Variants in RAI14 observed in about 807,000 individuals in gnomAD.
RAI14 encodes the protein retinoic acid induced 14, also known as ankycorbin.
Under a neutral mutation model 115.4 loss-of-function variants are expected in RAI14, and 45 were observed. The observed-to-expected ratio is 0.39, with a 90% CI of 0.31 to 0.50. The LOEUF (loss-of-function observed/expected upper bound fraction) is 0.50. RAI14 is among the 20% of genes least tolerant of loss of function. RAI14 has a pLI of 0.85. For missense variants in RAI14, 939 were observed against 1,131.2 expected (o/e 0.83, Z 2.44); for synonymous variants, 371 against 415.4 (o/e 0.89, Z 1.30).
intron 3 of RAI14, among the ~76,000 whole-genome samples, chr5:34,770,050 T>C (rs1749948400): frequency 6.6e-6 from 1 of 152,152 alleles, no homozygotes; most frequent in South Asian, 2.1e-4. Context: ...TTCTTTCTAC[T>C]GTGCCAGTGG....
At chr5:34,738,513 C>CT (rs1414947883) in intron 2 of RAI14, among the ~76,000 whole-genome samples, 5 of 152,200 alleles carry the variant, frequency 3.3e-5, no homozygotes, top group Admixed American at 2.6e-4. Context: ...CACCTGTACT[C>CT]TTGGCCTCCC....
intron 1 of RAI14, among the ~76,000 whole-genome samples, chr5:34,680,410 T>C (rs1744301770): frequency 6.6e-6 from 1 of 152,204 alleles, no homozygotes; most frequent in Non-Finnish European, 1.5e-5. Context: ...AGCTCACTTT[T>C]ATAATAACGG....
intron 3 of RAI14, among the ~76,000 whole-genome samples, chr5:34,764,538 TC>T (rs371844712): frequency 0.56 from 68,552 of 121,976 alleles, 19,031 homozygotes; most frequent in African/African-American, 0.81. Context: ...AGGTGAATTT[TC>T]TCTCTCTCTC....
rs536135017 is a variant in RAI14 at position 34,715,533 on chromosome 5, G to T, written c.36+28578G>T. On this transcript the variant is annotated intron_variant, in intron 2 of 17. Transcript: ENST00000265109. Reference sequence around the variant, plus strand: ...AACCACTCTGTATTATTCCTGTCTCGCTTTGACTTGGTGTTCCCTGCCCCA... The same window carrying T: ...AACCACTCTGTATTATTCCTGTCTCTCTTTGACTTGGTGTTCCCTGCCCCA... 3.3e-5 allele frequency among the ~76,000 whole-genome samples: 5 copies of T among 152,182 alleles called. No individual in the cohort carries two copies. In the South Asian group the frequency reaches 1.0e-3, roughly 32 times the overall value.
rs866069618 is a variant in RAI14 at position 34,739,693 on chromosome 5, T to C, written c.37-17775T>C. Among the ~76,000 whole-genome samples the C allele has an allele frequency of 2.6e-5, 4 of 152,142 alleles. No individual in the cohort carries two copies. The South Asian group carries it at 8.3e-4, about 32-fold the overall frequency. ...GTCTTTTCCTCAGGCAAGCATTCAT[T>C]CACTCAGTAAACATTTATTCATCAC... is the stretch of plus-strand genomic sequence containing the variant. On this transcript the variant is annotated intron_variant, in intron 2 of 17. Transcript: ENST00000265109.
rs1748142670 is a variant in RAI14, at chr5:34,758,164, A to G, written c.167+566A>G. 2.0e-5 allele frequency among the ~76,000 whole-genome samples: 3 copies of G among 152,222 alleles called. No individual in the cohort carries two copies. The South Asian group carries it at 6.2e-4, about 31-fold the overall frequency. ...TGGAGAGAGCACTGACTTTGGAGCC[A>G]GATAGACATCTCACAGGAACTCTAT... is the stretch of plus-strand genomic sequence containing the variant. On this transcript the variant is annotated intron_variant, in intron 3 of 17. Coordinates refer to ENST00000265109, the MANE Select transcript of RAI14 (RefSeq NM_015577.3).
Position 34,673,796 on chromosome 5 carries a change from G to T in RAI14, c.-48-13076G>T, listed in dbSNP as rs1743783929. ...CCCTCTCTCAAACCAGCTAGAACTG[G>T]GTCTTGGGCAGCTACCAGGCTCCTG... On this transcript the variant is annotated intron_variant, in intron 1 of 17. Coordinates refer to ENST00000265109, the MANE Select transcript of RAI14 (RefSeq NM_015577.3). Among the ~76,000 whole-genome samples, 3 of 152,144 alleles carry T rather than the reference G, an allele frequency of 2.0e-5. No homozygotes were observed. In the South Asian group the frequency reaches 6.2e-4, roughly 31 times the overall value.
At chr5:34,707,842 A>G (rs1206098151) in intron 2 of RAI14, among the ~76,000 whole-genome samples, 1 of 152,152 alleles carries the variant, frequency 6.6e-6, no homozygotes, top group Non-Finnish European at 1.5e-5. Context: ...ATTTTTTCAC[A>G]TTTCCTTAAG....
At chr5:34,724,655 A>G (rs2150005319) in intron 2 of RAI14, among the ~76,000 whole-genome samples, 1 of 152,228 alleles carries the variant, frequency 6.6e-6, no homozygotes, top group South Asian at 2.1e-4. Context: ...CAAATAGGAA[A>G]AAAGGATGCT....
chr5:34,785,876 C>A (rs1195708432), intron 3 of RAI14, among the ~76,000 whole-genome samples: 1 of 152,196 alleles, frequency 6.6e-6, no homozygotes, highest in Admixed American at 6.5e-5. Context: ...ATTTGAGTTG[C>A]CCCATTGTAA....
At chr5:34,751,154 ATT>A (rs34439436) in intron 2 of RAI14, among the ~76,000 whole-genome samples, 144 of 127,990 alleles carry the variant, frequency 1.1e-3, no homozygotes, top group Admixed American at 1.2e-3. Flanking sequence ...CCCGGCCATA[ATT>A]TTTTTTTTTT....
At chr5:34,822,047 A>T (rs1301411348) in intron 14 of RAI14, among the ~76,000 whole-genome samples, 197 bp downstream of exon 14, 2 of 150,962 alleles carry the variant, frequency 1.3e-5, no homozygotes, top group Non-Finnish European at 3.0e-5. Flanking sequence ...TCAACTGGTA[A>T]ATTATAAATA....
chr5:34,763,867 T>C (rs1300911037), intron 3 of RAI14, among the ~76,000 whole-genome samples: 1 of 152,126 alleles, frequency 6.6e-6, no homozygotes, highest in Non-Finnish European at 1.5e-5. Flanking sequence ...TTGTTTTGGT[T>C]TGGTTTTTTG....
intron 2 of RAI14, among the ~76,000 whole-genome samples, chr5:34,713,440 G>A (rs992866502): frequency 3.9e-5 from 6 of 152,012 alleles, no homozygotes; most frequent in African/African-American, 9.7e-5. Context: ...CTGAGTAGCC[G>A]GTCTTGAACT....
At chr5:34,713,459 C>T (rs1579994165) in intron 2 of RAI14, among the ~76,000 whole-genome samples, 2 of 151,986 alleles carry the variant, frequency 1.3e-5, no homozygotes, top group African/African-American at 4.8e-5. Context: ...CTTCTGGACT[C>T]AACAGTACTT....
chr5:34,796,464 C>G (rs562105340), intron 4 of RAI14, among the ~76,000 whole-genome samples: 11 of 152,092 alleles, frequency 7.2e-5, no homozygotes, highest in Admixed American at 2.0e-4. Context: ...AGAGAATCAC[C>G]TCCAATAGCA....
At chr5:34,799,528 AC>A (rs1753966566) in intron 4 of RAI14, among the ~76,000 whole-genome samples, 3 of 97,882 alleles carry the variant, frequency 3.1e-5, no homozygotes, top group African/African-American at 9.4e-5. Context: ...ACACACACAC[AC>A]ACACACACAC....
intron 1 of RAI14, among the ~76,000 whole-genome samples, chr5:34,662,323 T>A (rs1301272549): frequency 6.6e-6 from 1 of 152,226 alleles, no homozygotes; most frequent in East Asian, 1.9e-4. Flanking sequence ...CAGTCCTTAA[T>A]TCATGGCACA....
intron 1 of RAI14, chr5:34,686,318 T>C (rs528864991): frequency 7.5e-6 from 1 of 132,586 alleles, no homozygotes; most frequent in African/African-American, 2.8e-5. Flanking sequence ...GAATGGAAGT[T>C]ACCAGGAGCA....
Sources: allele counts gnomAD v4.1 joint callset (sites outside exome capture counted in the v4.1 genomes callset), GRCh38; gene constraint gnomAD v4.1.1; transcripts MANE v1.5; gene names NCBI Gene and HGNC (gene_info 2026-07-23, HGNC 2026-07-21).